PAX5: variants seen among roughly 807,000 people sequenced by gnomAD.
PAX5 encodes the protein paired box 5.
PAX5 carries 9 observed loss-of-function variants against 43.7 expected under a neutral mutation model. The ratio of observed to expected loss-of-function variants is 0.21; its 90% CI spans 0.12 to 0.36. PAX5 has a LOEUF of 0.36. Ranked by LOEUF, PAX5 falls within the 10% of genes least tolerant of loss-of-function variation. The pLI is 1.00. For missense variants in PAX5, 383 were observed against 532.7 expected (o/e 0.72, Z 2.77); for synonymous variants, 228 against 214.3 (o/e 1.06, Z -0.56).
intron 8 of PAX5, among the ~76,000 whole-genome samples, chr9:36,862,864 C>G (rs139642502): frequency 3.5e-4 from 53 of 152,306 alleles, no homozygotes; most frequent in African/African-American, 1.1e-3. Context: ...TTTCGCCTCT[C>G]CATTTATCTG....
chr9:36,858,066 G>A (rs1823848061), intron 8 of PAX5, among the ~76,000 whole-genome samples: 1 of 152,252 alleles, frequency 6.6e-6, no homozygotes, highest in African/African-American at 2.4e-5. Flanking sequence ...CCTCGAAGAA[G>A]TCTCCTGAAT....
intron 8 of PAX5, among the ~76,000 whole-genome samples, chr9:36,877,607 G>T (rs1192438078): frequency 6.6e-6 from 1 of 152,128 alleles, no homozygotes; most frequent in Non-Finnish European, 1.5e-5. Flanking sequence ...AGGCCCTCGG[G>T]GTCAATGCAA....
Position 37,034,090 on chromosome 9 carries a change from TTTTTTTTC to T in PAX5, c.-67_-60del, listed in dbSNP as rs2132594076. Reference sequence around the variant, plus strand: ...GAAAAGTTTCCACTTTTTTGTGCCTTTTTTTTTCTTTTTTTTTTTTTTTTTTTTTTTTT... The same window carrying T: ...GAAAAGTTTCCACTTTTTTGTGCCTTTTTTTTTTTTTTTTTTTTTTTTTTT... On this transcript the variant is annotated 5_prime_UTR_variant, in exon 1 of 10. Transcript: ENST00000358127. 1.4e-5 allele frequency: 11 copies of T among 811,920 alleles called. No individual in the cohort carries two copies. The highest frequency in any genetic ancestry group is 5.1e-5 in the South Asian group (3 of 59,356). 50.3% of individuals were successfully genotyped at this position (811,920 alleles called of 1,614,324 possible). A position where few individuals can be genotyped will look rare whatever the true frequency, so the allele number is the denominator to read the frequency against.
chr9:36,904,310 C>A (rs1828636849), intron 7 of PAX5, among the ~76,000 whole-genome samples: 1 of 152,068 alleles, frequency 6.6e-6, no homozygotes, highest in African/African-American at 2.4e-5. Context: ...CACACCAGCC[C>A]CCTAAATAGG....
chr9:36,961,563 A>G (rs1360494053), intron 6 of PAX5, among the ~76,000 whole-genome samples: 6 of 152,246 alleles, frequency 3.9e-5, no homozygotes. Context: ...CTGTGATTGA[A>G]AGGAAATTAA....
chr9:37,006,445 T>A (rs2132423625), intron 4 of PAX5, 28 bp downstream of exon 4: 2 of 1,564,570 alleles, frequency 1.3e-6, no homozygotes, highest in Non-Finnish European at 8.8e-7. Flanking sequence ...CATTAGATTT[T>A]TAAATTTTTT....
intron 8 of PAX5, among the ~76,000 whole-genome samples, chr9:36,880,706 G>A (rs1326942512): frequency 6.6e-6 from 1 of 152,210 alleles, no homozygotes; most frequent in African/African-American, 2.4e-5. Flanking sequence ...GGGATTACAG[G>A]TGCATGCCAC....
At chr9:36,852,756 A>G (rs1823285073) in intron 8 of PAX5, among the ~76,000 whole-genome samples, 1 of 152,188 alleles carries the variant, frequency 6.6e-6, no homozygotes, top group African/African-American at 2.4e-5. Flanking sequence ...AACCTGTGCC[A>G]TCACTCATAG....
chr9:36,936,832 A>G (rs894756466), intron 6 of PAX5, among the ~76,000 whole-genome samples: 5 of 68,188 alleles, frequency 7.3e-5, no homozygotes, highest in Non-Finnish European at 3.3e-5. Context: ...ACACACATGC[A>G]CACACACACA....
chr9:36,950,843 C>T (rs929131255), intron 6 of PAX5, among the ~76,000 whole-genome samples: 3 of 150,764 alleles, frequency 2.0e-5, no homozygotes, highest in African/African-American at 2.4e-5. Flanking sequence ...CAGGTTCAAG[C>T]GACTCTCCTG....
In PAX5 at chr9:36,882,368, G is replaced by A. The variant is rs1826520344; in HGVS notation, c.911-263C>T. On this transcript the variant is annotated intron_variant, in intron 7 of 9. Transcript: ENST00000358127. The surrounding 1 kb of genome is among the most constrained non-coding windows in gnomAD (Gnocchi z 4.4). The stretch of plus-strand genomic sequence containing the variant: ...GAGTCAGGGATGTGGCCTGTTCCTG[G>A]GAAATCAGAACCCCCTGCTTGGGGA... 6.6e-6 allele frequency among the ~76,000 whole-genome samples: 1 copy of A among 152,062 alleles called. No homozygotes were observed. The highest frequency in any genetic ancestry group is 6.6e-5 in the Admixed American group (1 of 15,260).
chr9:37,026,734 C>T (rs547584355), intron 1 of PAX5: 1 of 985,360 alleles, frequency 1.0e-6, no homozygotes, highest in East Asian at 1.1e-4. Flanking sequence ...AGCCTCCCTG[C>T]TGGAGACCGC....
chr9:36,893,394 C>A (rs916436391), intron 7 of PAX5: 1 of 152,300 alleles, frequency 6.6e-6, no homozygotes, highest in Non-Finnish European at 1.5e-5. Context: ...GCCTGCCCTA[C>A]CGATCTGAAA....
intron 9 of PAX5, among the ~76,000 whole-genome samples, chr9:36,842,154 C>T (rs1333196908): frequency 3.3e-5 from 5 of 152,168 alleles, no homozygotes; most frequent in South Asian, 2.1e-4. Context: ...TTTCTTCTGC[C>T]GCCTCTTCTG....
At chr9:36,916,526 T>C (rs1829739121) in intron 7 of PAX5, among the ~76,000 whole-genome samples, 1 of 152,114 alleles carries the variant, frequency 6.6e-6, no homozygotes, top group Non-Finnish European at 1.5e-5. Context: ...TTCGGAGGAG[T>C]TGGCATTTTA....
chr9:36,968,983 T>C lies in PAX5; in HGVS notation c.605-2259A>G, dbSNP rs529311913. Among the ~76,000 whole-genome samples the C allele has an allele frequency of 1.9e-4, 29 of 152,328 alleles. 1 individual carries two copies. The South Asian group carries it at 5.8e-3, about 30-fold the overall frequency. The stretch of plus-strand genomic sequence containing the variant: ...GATGGCTCAGTTTTTCCTACTCAGC[T>C]GTGGCTCTGCCCAGTCATCCTGGTC... On this transcript the variant is annotated intron_variant, in intron 5 of 9. Transcript: ENST00000358127.
intron 7 of PAX5, among the ~76,000 whole-genome samples, chr9:36,906,726 C>A (rs1828857394): frequency 6.6e-6 from 1 of 152,196 alleles, no homozygotes; most frequent in South Asian, 2.1e-4. Context: ...TGCTGGGGAC[C>A]CCTAAGTCTG....
At chr9:36,897,920 T>A (rs1828011002) in intron 7 of PAX5, among the ~76,000 whole-genome samples, 2 of 152,194 alleles carry the variant, frequency 1.3e-5, no homozygotes, top group African/African-American at 4.8e-5. Context: ...GGCTGAGCCA[T>A]CCTTGAGCCT....
At chr9:36,912,584 C>T (rs1001030521) in intron 7 of PAX5, among the ~76,000 whole-genome samples, 7 of 152,142 alleles carry the variant, frequency 4.6e-5, no homozygotes, top group African/African-American at 1.2e-4. Flanking sequence ...GGAGCTAGAA[C>T]TGGGGCTCCA....
Sources: gnomAD v4.1 joint callset for allele counts (sites outside exome capture counted in the v4.1 genomes callset) on GRCh38, gnomAD v4.1.1 for gene constraint, Gnocchi (gnomAD v3.1) non-coding constraint, MANE v1.5 for transcripts, NCBI Gene and HGNC (gene_info 2026-07-23, HGNC 2026-07-21) for gene names.